NOTCH2NLB: variants seen among roughly 807,000 people sequenced by gnomAD.
The protein encoded by NOTCH2NLB is notch homolog 2 N-terminal-like protein B.
Under a neutral mutation model 14.8 loss-of-function variants are expected in NOTCH2NLB, and 1 was observed. The ratio of observed to expected loss-of-function variants is 0.07; its 90% CI spans 0.02 to 0.32. The LOEUF is 0.32. Ranked by LOEUF, NOTCH2NLB falls within the 10% of genes least tolerant of loss-of-function variation. NOTCH2NLB has a pLI of 1.00. For missense variants in NOTCH2NLB, 11 were observed against 155.0 expected (o/e 0.07, Z 4.93); for synonymous variants, 6 against 57.5 (o/e 0.10, Z 4.05).
At chr1:148,670,563 T>C (rs1664754682) in intron 1 of NOTCH2NLB, among the ~76,000 whole-genome samples, 1 of 138,794 alleles carries the variant, frequency 7.2e-6, no homozygotes, top group Non-Finnish European at 1.6e-5. Flanking sequence ...CATATATATA[T>C]ATATATATAT....
the NOTCH2NLB span, among the ~76,000 whole-genome samples, chr1:148,695,848 TCTC>T: frequency 2.5e-5 from 3 of 118,982 alleles, no homozygotes; most frequent in African/African-American, 9.1e-5. Flanking sequence ...GGGACATCCA[TCTC>T]CTCCTGCCCT....
At chr1:148,627,930 A>C (rs1483443220) in intron 2 of NOTCH2NLB, among the ~76,000 whole-genome samples, 5 of 133,794 alleles carry the variant, frequency 3.7e-5, no homozygotes, top group African/African-American at 8.6e-5. Context: ...CTATAAATAC[A>C]CTTGAAGTTT....
chr1:148,712,504 G>A, the NOTCH2NLB span, among the ~76,000 whole-genome samples: 1 of 152,304 alleles, frequency 6.6e-6, no homozygotes, highest in African/African-American at 2.4e-5. Context: ...TTTCAGAAAT[G>A]AGAGATGGGC....
chr1:148,679,429 G>A lies in NOTCH2NLB; in HGVS notation c.3+33C>T. On this transcript the variant is annotated intron_variant, in intron 1 of 4. Transcript: ENST00000593495. The stretch of plus-strand genomic sequence containing the variant: ...GTCGCCCCAGGTGGCAGCCCCGGGC[G>A]CCGCGGACAGCGCCCCTCAGCCCGA... The A allele has an allele frequency of 4.1e-6, 4 of 965,024 alleles. 1 individual carries two copies. The highest frequency in any genetic ancestry group is 5.3e-6 in the Non-Finnish European group (4 of 757,004). 59.8% of individuals were successfully genotyped at this position (965,024 alleles called of 1,614,324 possible).
intron 1 of NOTCH2NLB, among the ~76,000 whole-genome samples, chr1:148,661,550 T>C (rs1664685872): frequency 1.3e-5 from 2 of 149,894 alleles, no homozygotes; most frequent in African/African-American, 2.4e-5. Context: ...AAAAATTGTA[T>C]GTATTTTAGA....
In NOTCH2NLB at chr1:148,610,010, G is replaced by A. The variant is rs1286516724; in HGVS notation, c.338-2265C>T. Among the ~76,000 whole-genome samples the A allele has an allele frequency of 1.5e-4, 22 of 143,622 alleles. No homozygotes were observed. The South Asian group carries it at 3.3e-3, about 21-fold the overall frequency. The allele number at this position is 143,622 out of a possible 152,430, so 94.2% of individuals were successfully genotyped here. On this transcript the variant is annotated intron_variant, in intron 3 of 4. Transcript: ENST00000593495. ...ACTGAAACAGAAAGATCCCCGGACC[G>A]GAAGTGGTGGCTGATGCCTGTAATC...
intron 1 of NOTCH2NLB, among the ~76,000 whole-genome samples, chr1:148,651,160 A>ATATATATATACATATATATAT: frequency 2.1e-5 from 1 of 46,688 alleles, no homozygotes; most frequent in East Asian, 8.9e-4. Flanking sequence ...AAAAAAAAAA[A>ATATATATATACATATATATAT]AAATATATAT....
At chr1:148,676,369 T>TAC (rs1664857969) in intron 1 of NOTCH2NLB, among the ~76,000 whole-genome samples, 1 of 92,780 alleles carries the variant, frequency 1.1e-5, no homozygotes, top group African/African-American at 3.5e-5. Context: ...AAAGACCTCA[T>TAC]ACACACACCT....
intron 1 of NOTCH2NLB, among the ~76,000 whole-genome samples, chr1:148,670,535 A>AC (rs1347581270): frequency 1.7e-5 from 1 of 60,524 alleles, no homozygotes; most frequent in Non-Finnish European, 2.9e-5. Flanking sequence ...AAACTAAAAA[A>AC]AAAAATATAT....
At chr1:148,638,254 C>A (rs1664260251) in intron 2 of NOTCH2NLB, among the ~76,000 whole-genome samples, 1 of 147,934 alleles carries the variant, frequency 6.8e-6, no homozygotes, top group Non-Finnish European at 1.5e-5. Flanking sequence ...CTACTTAGCA[C>A]CTTTTAGTTT....
At chr1:148,604,886 A>C (rs1312567100), downstream of NOTCH2NLB, among the ~76,000 whole-genome samples, 2 of 136,642 alleles carry the variant, frequency 1.5e-5, 1 homozygote, top group African/African-American at 5.5e-5. Context: ...GGTTTAGATT[A>C]TGGGACCCTG....
chr1:148,638,809 CT>C (rs1321333266), intron 2 of NOTCH2NLB, among the ~76,000 whole-genome samples: 3 of 147,896 alleles, frequency 2.0e-5, no homozygotes, highest in African/African-American at 5.1e-5. Context: ...AATTACATTC[CT>C]GGTAAGAAAT....
In NOTCH2NLB at chr1:148,647,119, TTTAC is replaced by T. The variant is rs1354555272; in HGVS notation, c.4-7034_4-7031del. Among the ~76,000 whole-genome samples the T allele has an allele frequency of 4.3e-3, 402 of 94,128 alleles. 1 individual carries two copies. Among genetic ancestry groups the T allele is most frequent in the African/African-American group, 0.015 (384 of 26,008 alleles). 61.8% of individuals were successfully genotyped at this position (94,128 alleles called of 152,430 possible). A position where few individuals can be genotyped will look rare whatever the true frequency, so the allele number is the denominator to read the frequency against. Reference sequence around the variant, plus strand: ...GTAATCTGAGCAGCCTTCAATGTGTTTTACTTGTTGCATTAACATGTAATCGTTT... The same window carrying T: ...GTAATCTGAGCAGCCTTCAATGTGTTTTGTTGCATTAACATGTAATCGTTT... On this transcript the variant is annotated intron_variant, in intron 1 of 4. Transcript: ENST00000593495.
intron 2 of NOTCH2NLB, among the ~76,000 whole-genome samples, chr1:148,637,879 G>C (rs1221000237): frequency 6.7e-6 from 1 of 148,316 alleles, no homozygotes; most frequent in Non-Finnish European, 1.5e-5. Context: ...TGCTGAGAAT[G>C]ATGGCTTCCA....
downstream of NOTCH2NLB, among the ~76,000 whole-genome samples, chr1:148,605,301 C>T (rs1296951279): frequency 7.2e-6 from 1 of 138,650 alleles, no homozygotes; most frequent in East Asian, 2.0e-4. Flanking sequence ...AAAAATAATA[C>T]CTGGTCCCAA....
chr1:148,638,162 C>T (rs1664257825), intron 2 of NOTCH2NLB, among the ~76,000 whole-genome samples: 4 of 148,328 alleles, frequency 2.7e-5, no homozygotes, highest in East Asian at 3.9e-4. Context: ...CTTGAGGAAT[C>T]GCCACACTGA....
At chr1:148,670,443 T>C (rs1401532618) in intron 1 of NOTCH2NLB, among the ~76,000 whole-genome samples, 1 of 144,418 alleles carries the variant, frequency 6.9e-6, no homozygotes, top group East Asian at 2.0e-4. Flanking sequence ...TATCAAATGG[T>C]AAAGATTTTT....
At chr1:148,637,781 C>T (rs1664244357) in intron 2 of NOTCH2NLB, among the ~76,000 whole-genome samples, 1 of 139,274 alleles carries the variant, frequency 7.2e-6, no homozygotes, top group Non-Finnish European at 1.6e-5. Flanking sequence ...TGTGATGTTC[C>T]CCTCCCTGTG....
At chr1:148,628,292 A>G (rs1418780881) in intron 2 of NOTCH2NLB, among the ~76,000 whole-genome samples, 1 of 129,452 alleles carries the variant, frequency 7.7e-6, no homozygotes, top group Non-Finnish European at 1.6e-5. Flanking sequence ...AGTGGCCTCA[A>G]TAGCATGAAC....
Sources: gnomAD v4.1 joint callset for allele counts (sites outside exome capture counted in the v4.1 genomes callset) on GRCh38, gnomAD v4.1.1 for gene constraint, MANE v1.5 for transcripts, NCBI Gene and HGNC (gene_info 2026-07-23, HGNC 2026-07-21) for gene names.